KCNK10: variants seen among roughly 807,000 people sequenced by gnomAD.
KCNK10 encodes potassium channel subfamily K member 10.
In KCNK10, 25 loss-of-function variants were observed where a neutral mutation model predicts 47.7. That is an observed-to-expected ratio of 0.52 (90% CI 0.38 to 0.73). The LOEUF (loss-of-function observed/expected upper bound fraction) is 0.73. Ranked by LOEUF, KCNK10 falls within the 30% of genes least tolerant of loss-of-function variation. The pLI, the probability that KCNK10 is intolerant of heterozygous loss-of-function variation, is 0.00. For synonymous variants in KCNK10, 303 were observed against 285.6 expected, an observed-to-expected ratio of 1.06 and a Z score of -0.61; for missense variants, 563 against 714.5, an observed-to-expected ratio of 0.79 and a Z score of 2.42.
At chr14:88,293,298 T>C (rs138158556) in intron 1 of KCNK10, among the ~76,000 whole-genome samples, 162 of 152,312 alleles carry the variant, frequency 1.1e-3, no homozygotes, top group African/African-American at 3.8e-3. Flanking sequence ...CAGACTCCTG[T>C]CTCCAACTGT....
intron 4 of KCNK10, among the ~76,000 whole-genome samples, chr14:88,205,476 C>T (rs1885238706): frequency 6.6e-6 from 1 of 151,922 alleles, no homozygotes. Context: ...CCCTACTACA[C>T]AGTGTGCTCC....
At chr14:88,228,007 G>A (rs2139873221) in intron 3 of KCNK10, among the ~76,000 whole-genome samples, 1 of 152,240 alleles carries the variant, frequency 6.6e-6, no homozygotes, top group Non-Finnish European at 1.5e-5. Context: ...GAGGAAATGT[G>A]GTCTAGTACA....
At chr14:88,310,449 T>C (rs1384902218) in intron 1 of KCNK10, among the ~76,000 whole-genome samples, 1 of 152,038 alleles carries the variant, frequency 6.6e-6, no homozygotes, top group Non-Finnish European at 1.5e-5. Flanking sequence ...ATAAAGTAAC[T>C]GTTAAGATTG....
At chr14:88,298,074 G>A (rs1888023151) in intron 1 of KCNK10, among the ~76,000 whole-genome samples, 1 of 152,148 alleles carries the variant, frequency 6.6e-6, no homozygotes, top group African/African-American at 2.4e-5. Flanking sequence ...GAAAACAAGA[G>A]ATTGAAATAG....
Position 88,182,036 on chromosome 14 carries a change from G to GCACACACACACACACACACA in KCNK10, c.*3479_*3498dup, listed in dbSNP as rs372506756. ...AGATGGCCCAACACCACCCCAACCC[G>GCACACACACACACACACACA]CACACACACACACACACACACACAC... is the stretch of plus-strand genomic sequence containing the variant. On this transcript the variant is annotated 3_prime_UTR_variant, in exon 7 of 7. Coordinates refer to ENST00000319231, the MANE Select transcript of KCNK10 (RefSeq NM_138317.3). 7.3e-6 allele frequency: 1 copy of GCACACACACACACACACACA among 137,058 alleles called. No individual in the cohort carries two copies. The highest frequency in any genetic ancestry group is 1.6e-5 in the Non-Finnish European group (1 of 63,722). The allele number at this position is 137,058 out of a possible 1,614,324, so 8.5% of individuals were successfully genotyped here.
intron 4 of KCNK10, among the ~76,000 whole-genome samples, chr14:88,218,975 T>C (rs1595087181): frequency 6.6e-6 from 1 of 152,210 alleles, no homozygotes; most frequent in African/African-American, 2.4e-5. Context: ...TTTCATGGTG[T>C]AGATTAATCT....
At chr14:88,313,671 C>T (rs1021788323) in intron 1 of KCNK10, among the ~76,000 whole-genome samples, 9 of 152,164 alleles carry the variant, frequency 5.9e-5, no homozygotes, top group Non-Finnish European at 8.8e-5. Context: ...GACAGCAGCC[C>T]GGACAACATC....
rs541901267 is a variant in KCNK10, at chr14:88,261,690, G to GT, written c.402+1511dup. Reference sequence around the variant, plus strand: ...GATCAGCTGATACCTCGATCAGGAAGTTGAACCTGCAATGAGCCATGATCA... The same window carrying GT: ...GATCAGCTGATACCTCGATCAGGAAGTTTGAACCTGCAATGAGCCATGATCA... On this transcript the variant is annotated intron_variant, in intron 2 of 6. Coordinates refer to ENST00000319231, the MANE Select transcript of KCNK10 (RefSeq NM_138317.3). Among the ~76,000 whole-genome samples the GT allele has an allele frequency of 2.0e-5, 3 of 151,840 alleles. No homozygotes were observed. In the South Asian group the frequency reaches 6.2e-4, roughly 32 times the overall value.
At chr14:88,229,553 T>C (rs1886097005) in intron 3 of KCNK10, among the ~76,000 whole-genome samples, 1 of 152,194 alleles carries the variant, frequency 6.6e-6, no homozygotes, top group African/African-American at 2.4e-5. Context: ...AAAATAATAT[T>C]AAAGCTAAGT....
At chr14:88,189,141 C>T (rs373340509) in intron 5 of KCNK10, among the ~76,000 whole-genome samples, 26 of 152,318 alleles carry the variant, frequency 1.7e-4, no homozygotes, top group South Asian at 8.3e-4. Context: ...CCACATCTAG[C>T]GCCACTGAGT....
rs140901489 is a variant in KCNK10, at chr14:88,233,248, C to T, written c.521-5713G>A. The stretch of plus-strand genomic sequence containing the variant: ...CAAATGATGTAAACAAGACCCCATT[C>T]ACCACTCCTTTTCTTCACTCTGCTT... On this transcript the variant is annotated intron_variant, in intron 3 of 6. Coordinates refer to ENST00000319231, the MANE Select transcript of KCNK10 (RefSeq NM_138317.3). Among the ~76,000 whole-genome samples the T allele has an allele frequency of 6.6e-5, 10 of 152,342 alleles. No homozygotes were observed. In the East Asian group the frequency reaches 1.5e-3, roughly 24 times the overall value.
At chr14:88,236,624 G>A (rs570589622) in intron 3 of KCNK10, among the ~76,000 whole-genome samples, 13 of 152,238 alleles carry the variant, frequency 8.5e-5, no homozygotes, top group African/African-American at 3.1e-4. Flanking sequence ...GGTTATACAG[G>A]CATACGTCAG....
In KCNK10 at chr14:88,185,847, C is replaced by A. The variant is rs1256062936; in HGVS notation, c.1320G>T (p.Gly440=). The change falls in exon 7 of 7, where the codon GGG becomes GGT. Residue 440 remains glycine, a synonymous_variant. Coordinates refer to ENST00000319231, the MANE Select transcript of KCNK10 (RefSeq NM_138317.3). The surrounding 1 kb of genome is among the most constrained non-coding windows in gnomAD (Gnocchi z 4.3). ...LKGPEQLNKH[G]QGASEDNIIN... ...TGATGTTGTCCTCGGACGCACCCTGCCCATGCTTGTTCAGCTGCTCCGGCC... is the reference window on the plus strand; with the variant it reads ...TGATGTTGTCCTCGGACGCACCCTGACCATGCTTGTTCAGCTGCTCCGGCC... 13 of 1,614,146 alleles carry A rather than the reference C, an allele frequency of 8.1e-6. No homozygotes were observed. Among genetic ancestry groups the A allele is most frequent in the Non-Finnish European group, 1.1e-5 (13 of 1,180,028 alleles).
intron 1 of KCNK10, among the ~76,000 whole-genome samples, chr14:88,285,770 C>T (rs1887747269): frequency 6.6e-6 from 1 of 152,146 alleles, no homozygotes; most frequent in Non-Finnish European, 1.5e-5. Context: ...ATAAGTGGCC[C>T]ACAGGTTAAG....
At chr14:88,188,788 C>T (rs1361825701) in intron 5 of KCNK10, among the ~76,000 whole-genome samples, 1 of 152,206 alleles carries the variant, frequency 6.6e-6, no homozygotes, top group African/African-American at 2.4e-5. Context: ...CAGTAAAAAT[C>T]CATCAAACCA....
intron 3 of KCNK10, among the ~76,000 whole-genome samples, chr14:88,238,781 CA>C (rs1490161587): frequency 6.6e-6 from 1 of 152,178 alleles, no homozygotes; most frequent in Non-Finnish European, 1.5e-5. Context: ...CCTTCCTCAC[CA>C]ATCTTAATTA....
At chr14:88,213,921 T>TTTATTATTATTATTA (rs35954048) in intron 4 of KCNK10, among the ~76,000 whole-genome samples, 3,822 of 126,374 alleles carry the variant, frequency 0.03, 143 homozygotes, top group African/African-American at 0.075. Flanking sequence ...TTTATTTTAC[T>TTTATTATTATTATTA]TTATTATTAT....
chr14:88,189,009 C>T (rs953642436), intron 5 of KCNK10, among the ~76,000 whole-genome samples: 9 of 152,210 alleles, frequency 5.9e-5, no homozygotes, highest in African/African-American at 1.9e-4. Context: ...CTCTGGGAAA[C>T]GCTATTGCCT....
chr14:88,216,907 G>A (rs541067616), intron 4 of KCNK10, among the ~76,000 whole-genome samples: 10 of 152,216 alleles, frequency 6.6e-5, no homozygotes, highest in African/African-American at 1.7e-4. Context: ...CTGTAATCCC[G>A]GCAGTTTGGG....
Sources: gnomAD v4.1 joint callset for allele counts (sites outside exome capture counted in the v4.1 genomes callset) on GRCh38, gnomAD v4.1.1 for gene constraint, Gnocchi (gnomAD v3.1) non-coding constraint, MANE v1.5 for transcripts, NCBI Gene and HGNC (gene_info 2026-07-23, HGNC 2026-07-21) for gene names.